The following MAPRE2 variants were observed in gnomAD, a reference collection of about 807,000 sequenced individuals.
MAPRE2 encodes microtubule associated protein RP/EB family member 2.
In MAPRE2, 13 loss-of-function variants were observed where a neutral mutation model predicts 43.2. The observed-to-expected ratio is 0.30, with a 90% CI of 0.20 to 0.48. MAPRE2 has a LOEUF of 0.48. Ranked by LOEUF, MAPRE2 falls within the 20% of genes least tolerant of loss-of-function variation. The probability of loss-of-function intolerance (pLI) is 0.99; values close to 1 mark genes in which losing one functional copy is unlikely to be tolerated. For synonymous variants in MAPRE2, 135 were observed against 148.8 expected, an observed-to-expected ratio of 0.91 and a Z score of 0.68; for missense variants, 161 against 400.2, an observed-to-expected ratio of 0.40 and a Z score of 5.10.
intron 2 of MAPRE2, among the ~76,000 whole-genome samples, chr18:35,084,554 C>A (rs1482250374): frequency 6.6e-6 from 1 of 152,202 alleles, no homozygotes; most frequent in Non-Finnish European, 1.5e-5. Flanking sequence ...TAGCTTATTT[C>A]TTTTCCTGTA....
chr18:35,032,541 A>C (rs1460820079), intron 2 of MAPRE2, among the ~76,000 whole-genome samples: 1 of 152,192 alleles, frequency 6.6e-6, no homozygotes, highest in Non-Finnish European at 1.5e-5. Context: ...ATACAGAATT[A>C]TTTGTACTCT....
intron 2 of MAPRE2, among the ~76,000 whole-genome samples, chr18:35,029,122 A>G (rs1347277341): frequency 6.6e-6 from 1 of 150,532 alleles, no homozygotes; most frequent in African/African-American, 2.5e-5. Context: ...ACTTGAGGAA[A>G]CAAAACATAA....
At chr18:35,118,835 G>A (rs899448586) in intron 4 of MAPRE2, among the ~76,000 whole-genome samples, 1 of 152,192 alleles carries the variant, frequency 6.6e-6, no homozygotes, top group Non-Finnish European at 1.5e-5. Context: ...GCTGAGTGGA[G>A]AAGGCAGGGC....
chr18:35,071,720 A>G (rs184122307), intron 2 of MAPRE2, among the ~76,000 whole-genome samples: 35 of 152,318 alleles, frequency 2.3e-4, no homozygotes, highest in Non-Finnish European at 3.4e-4. Flanking sequence ...TCTGAGTCCA[A>G]CACCCACCAG....
intron 1 of MAPRE2, among the ~76,000 whole-genome samples, chr18:34,993,243 C>G (rs556004285): frequency 1.4e-3 from 207 of 151,490 alleles, no homozygotes; most frequent in South Asian, 4.8e-3. Flanking sequence ...AGGTGTATAC[C>G]ACCATTCCCG....
intron 1 of MAPRE2, chr18:35,005,462 T>C (rs2097031412): frequency 1.4e-6 from 2 of 1,397,678 alleles, no homozygotes; most frequent in Non-Finnish European, 2.0e-6. Flanking sequence ...ATGCTTGCAC[T>C]CTTTTTTTCT....
intron 4 of MAPRE2, among the ~76,000 whole-genome samples, chr18:35,111,651 G>C (rs1909180697): frequency 6.6e-6 from 1 of 152,140 alleles, no homozygotes. Context: ...ATCTTCAAGG[G>C]GATCTAACCT....
intron 2 of MAPRE2, among the ~76,000 whole-genome samples, chr18:35,022,265 A>G (rs994427652): frequency 6.6e-6 from 1 of 152,208 alleles, no homozygotes; most frequent in East Asian, 1.9e-4. Context: ...CAAGAAGTAT[A>G]AGAAATACCA....
intron 1 of MAPRE2, among the ~76,000 whole-genome samples, chr18:35,063,672 G>T (rs1906672860): frequency 6.6e-6 from 1 of 151,984 alleles, no homozygotes; most frequent in Non-Finnish European, 1.5e-5. Flanking sequence ...GGGAAGTTTG[G>T]TAAACTCAGA....
At chr18:35,036,138 G>C (rs1651085725) in intron 2 of MAPRE2, among the ~76,000 whole-genome samples, 1 of 151,154 alleles carries the variant, frequency 6.6e-6, no homozygotes, top group South Asian at 2.1e-4. Flanking sequence ...TTATCTACTT[G>C]GCCACTCAAG....
At chr18:35,064,332 T>C (rs1353219593) in intron 1 of MAPRE2, among the ~76,000 whole-genome samples, 1 of 151,874 alleles carries the variant, frequency 6.6e-6, no homozygotes, top group African/African-American at 2.4e-5. Flanking sequence ...TATACATATA[T>C]GTATATATAC....
At chr18:35,061,818 T>A (rs956893855) in intron 1 of MAPRE2, among the ~76,000 whole-genome samples, 1 of 152,126 alleles carries the variant, frequency 6.6e-6, no homozygotes, top group Non-Finnish European at 1.5e-5. Flanking sequence ...CATCCTGATC[T>A]CCCTCCTCAA....
rs567031344 is a variant in MAPRE2, at chr18:34,986,876, AT to A, written c.-70+9800del. On this transcript the variant is annotated intron_variant, in intron 1 of 7. Transcript: ENST00000413393. ...TAACTGAGCATTTCATTTTTCTGTTATTTGGTTTTTAATTTTTATTTTTGCT... is the reference window on the plus strand; with the variant it reads ...TAACTGAGCATTTCATTTTTCTGTTATTGGTTTTTAATTTTTATTTTTGCT... Among the ~76,000 whole-genome samples the A allele has an allele frequency of 6.0e-3, 907 of 152,232 alleles. 6 individuals carry two copies. Among genetic ancestry groups the A allele is most frequent in the Middle Eastern group, 0.014 (4 of 294 alleles).
intron 1 of MAPRE2, among the ~76,000 whole-genome samples, chr18:34,985,946 T>C (rs1330427210): frequency 6.6e-6 from 1 of 151,648 alleles, no homozygotes; most frequent in Non-Finnish European, 1.5e-5. Context: ...CTTACTATAT[T>C]TTTACTAGAG....
intron 1 of MAPRE2, among the ~76,000 whole-genome samples, chr18:35,057,051 G>A (rs903603520): frequency 6.6e-6 from 1 of 152,094 alleles, no homozygotes; most frequent in African/African-American, 2.4e-5. Context: ...TTTCACTCTT[G>A]TTGCCCAGGC....
At chr18:34,981,854 G>T (rs2097016356) in intron 1 of MAPRE2, among the ~76,000 whole-genome samples, 1 of 145,796 alleles carries the variant, frequency 6.9e-6, no homozygotes, top group African/African-American at 2.5e-5. Flanking sequence ...TTGTCTCAGC[G>T]ACTTTATTTA....
At chr18:35,081,896 A>G (rs1907651882) in intron 2 of MAPRE2, 1 of 152,160 alleles carries the variant, frequency 6.6e-6, no homozygotes, top group Non-Finnish European at 1.5e-5. Flanking sequence ...ATAACTGTTG[A>G]TAGTATGATG....
chr18:35,077,730 A>G (rs948329378), intron 2 of MAPRE2, among the ~76,000 whole-genome samples: 94 of 152,328 alleles, frequency 6.2e-4, no homozygotes, highest in African/African-American at 2.2e-3. Context: ...AGACTCATTT[A>G]TAATTCATAA....
chr18:35,007,198 GGT>G (rs1289371240), intron 2 of MAPRE2, among the ~76,000 whole-genome samples: 1 of 152,162 alleles, frequency 6.6e-6, no homozygotes, highest in Non-Finnish European at 1.5e-5. Flanking sequence ...CCTTATAGTA[GGT>G]GGTCCATATG....
Sources: allele counts gnomAD v4.1 joint callset (sites outside exome capture counted in the v4.1 genomes callset), GRCh38; gene constraint gnomAD v4.1.1; transcripts MANE v1.5; gene names NCBI Gene and HGNC (gene_info 2026-07-23, HGNC 2026-07-21).